CHPF: variants seen among roughly 807,000 people sequenced by gnomAD.
CHPF encodes chondroitin polymerizing factor.
In CHPF, 34 loss-of-function variants were observed where a neutral mutation model predicts 55.1. The observed-to-expected ratio is 0.62, with a 90% CI of 0.47 to 0.82. The LOEUF (loss-of-function observed/expected upper bound fraction) is 0.82, where lower values mean the gene tolerates loss of function less well. Among genes scored for constraint, CHPF ranks in the 40% least tolerant of loss-of-function variants. The probability of loss-of-function intolerance (pLI) is 0.00; values close to 1 mark genes in which losing one functional copy is unlikely to be tolerated. For missense variants in CHPF, 961 were observed against 1,106.1 expected (o/e 0.87, Z 1.86); for synonymous variants, 489 against 496.6 (o/e 0.98, Z 0.20).
Position 219,539,533 on chromosome 2 carries a change from C to A in CHPF, c.2178G>T (p.Ala726=). The A allele has an allele frequency of 6.2e-7, 1 of 1,613,798 alleles. No individual in the cohort carries two copies. Among genetic ancestry groups the A allele is most frequent in the Non-Finnish European group, 8.5e-7 (1 of 1,179,918 alleles). The change falls in exon 4 of 4, where the codon GCG becomes GCT. Residue 726 remains alanine, a synonymous_variant. Transcript: ENST00000243776. ...TCTGGGCCCGGTAGCGCTGCAGCAG[C>A]GCCGGCTCCACCGCCCGCAGCACAT... is the stretch of plus-strand genomic sequence containing the variant. ...SLHVLRAVEP[A]LLQRYRAQTC...
At position 219,543,306 on chromosome 2, in the gene CHPF, T is replaced by C; in HGVS notation, c.233A>G (p.Glu78Gly). Reference sequence around the variant, plus strand: ...CGGCTCCCAATTCTCCCCGGCGCCTTCGCCGGCCCCGGGCTTCTCGCGCTC... The same window carrying C: ...CGGCTCCCAATTCTCCCCGGCGCCTCCGCCGGCCCCGGGCTTCTCGCGCTC... ...GAEREKPGAG[E>G]GAGENWEPRV... is the part of the protein sequence containing the mutation. Residue 78 changes from glutamate to glycine, a missense_variant, in exon 1 of 4, where the codon GAA (glutamate) becomes GGA (glycine). This residue lies in a region of CHPF where 936 missense variants were observed against 1,058.4 expected (regional missense o/e 0.88). Transcript: ENST00000243776. The C allele has an allele frequency of 6.4e-7, 1 of 1,573,134 alleles. No individual in the cohort carries two copies. The highest frequency in any genetic ancestry group is 2.4e-5 in the East Asian group (1 of 41,580).
At position 219,543,637 on chromosome 2, in the gene CHPF, T is replaced by C. The variant is rs1695326146; in HGVS notation, c.-99A>G. ...CGGGGAGGGGGCGGATCCGGAGGGC[T>C]CGGGCCCCGCGGGCGGGCCCGCTCC... On this transcript the variant is annotated 5_prime_UTR_variant, in exon 1 of 4. Transcript: ENST00000243776. 1 of 972,908 alleles carries C rather than the reference T, an allele frequency of 1.0e-6. No homozygotes were observed. The highest frequency in any genetic ancestry group is 1.4e-6 in the Non-Finnish European group (1 of 736,946). The allele number at this position is 972,908 out of a possible 1,614,324, so 60.3% of individuals were successfully genotyped here. A position where few individuals can be genotyped will look rare whatever the true frequency, so the allele number is the denominator to read the frequency against.
Position 219,539,877 on chromosome 2 carries a change from G to A in CHPF, c.1834C>T (p.Leu612=). 1 of 1,613,728 alleles carries A rather than the reference G, an allele frequency of 6.2e-7. No individual in the cohort carries two copies. The highest frequency in any genetic ancestry group is 8.5e-7 in the Non-Finnish European group (1 of 1,180,010). The change falls in exon 4 of 4, where the codon CTG becomes TTG. Residue 612 remains leucine (L), a synonymous_variant. Transcript: ENST00000243776. ...SKKHPLDTLF[L]LAGPDTVLTP... ...AGCACCGTGTCTGGCCCGGCCAGCAGGAACAGTGTGTCCAGCGGGTGCTTC... is the reference window on the plus strand; with the variant it reads ...AGCACCGTGTCTGGCCCGGCCAGCAAGAACAGTGTGTCCAGCGGGTGCTTC...
Position 219,539,422 on chromosome 2 carries a change from G to T in CHPF, c.2289C>A (p.Ala763=), listed in dbSNP as rs1158811208. Reference sequence around the variant, plus strand: ...CCTGCTCCTGTTCAAAGAGTAGCATGGCCAGCTGGGTTCGGGAGCCGAGGC... The same window carrying T: ...CCTGCTCCTGTTCAAAGAGTAGCATTGCCAGCTGGGTTCGGGAGCCGAGGC... The part of the protein sequence containing the change: ...LEGLGSRTQL[A]MLLFEQEQGN... Residue 763 remains alanine (A), a synonymous_variant, in exon 4 of 4, where the codon GCC becomes GCA. Coordinates refer to ENST00000243776, the MANE Select transcript of CHPF (RefSeq NM_024536.6). The T allele has an allele frequency of 1.2e-6, 2 of 1,611,034 alleles. No individual in the cohort carries two copies. Among genetic ancestry groups the T allele is most frequent in the Non-Finnish European group, 1.7e-6 (2 of 1,178,322 alleles).
Position 219,543,727 on chromosome 2 carries a change from A to G in CHPF, c.-189T>C, listed in dbSNP as rs1485868869. 19 of 440,822 alleles carry G rather than the reference A, an allele frequency of 4.3e-5. No individual in the cohort carries two copies. Among genetic ancestry groups the G allele is most frequent in the Non-Finnish European group, 7.8e-6 (2 of 254,962 alleles). 27.3% of individuals were successfully genotyped at this position (440,822 alleles called of 1,614,324 possible). Reference sequence around the variant, plus strand: ...CGGAGCCGCGCCTCGATTCCCCTCCAGCAGCTGCTCTGGGCTGCGCAGGGT... The same window carrying G: ...CGGAGCCGCGCCTCGATTCCCCTCCGGCAGCTGCTCTGGGCTGCGCAGGGT... On this transcript the variant is annotated 5_prime_UTR_variant, in exon 1 of 4. Transcript: ENST00000243776.
Position 219,539,326 on chromosome 2 carries a change from T to TG in CHPF, c.*56dup. The TG allele has an allele frequency of 6.7e-7, 1 of 1,501,376 alleles. No individual in the cohort carries two copies. Among genetic ancestry groups the TG allele is most frequent in the South Asian group, 1.3e-5 (1 of 77,790 alleles). 93.0% of individuals were successfully genotyped at this position (1,501,376 alleles called of 1,614,324 possible). On this transcript the variant is annotated 3_prime_UTR_variant, in exon 4 of 4. Transcript: ENST00000243776. ...CGAGGCTGGCAGGTGGCTCTGGTTT[T>TG]GGGGGAGAAGTGGGGTGGGGTGTGG...
At chr2:219,542,226 A>C (rs1695287610) in intron 1 of CHPF, 37 bp from the exon 2 acceptor site, 3 of 316,594 alleles carry the variant, frequency 9.5e-6, no homozygotes, top group Non-Finnish European at 1.0e-5. Context: ...TCAAAAGGAC[A>C]ACGGGGCGGG....
rs1695236826 is a variant in CHPF at position 219,540,171 on chromosome 2, G to C, written c.1540C>G (p.Leu514Val). ...EASRLTVLLP[L>V]AAAERDLAPG... is the part of the protein sequence containing the mutation. The stretch of plus-strand genomic sequence containing the variant: ...GCCAGGTCACGCTCAGCCGCAGCTA[G>C]AGGCAGCAGCACAGTGAGACGTGAG... The change falls in exon 4 of 4, where the codon CTA (leucine) becomes GTA (valine). Residue 514 changes from leucine (L) to valine (V), a missense_variant. Around this residue, in one of 3 missense-constraint regions of CHPF, gnomAD observed 936 missense variants for 1,058.4 expected, o/e 0.88. Transcript: ENST00000243776. 1 of 1,608,590 alleles carries C rather than the reference G, an allele frequency of 6.2e-7. No individual in the cohort carries two copies. The highest frequency in any genetic ancestry group is 8.5e-7 in the Non-Finnish European group (1 of 1,177,666).
Position 219,543,461 on chromosome 2 carries a change from C to T in CHPF, c.78G>A (p.Leu26=), listed in dbSNP as rs776800294. 1 of 1,477,424 alleles carries T rather than the reference C, an allele frequency of 6.8e-7. No individual in the cohort carries two copies. Among genetic ancestry groups the T allele is most frequent in the Non-Finnish European group, 8.9e-7 (1 of 1,121,930 alleles). 91.5% of individuals were successfully genotyped at this position (1,477,424 alleles called of 1,614,324 possible). ...CCACCCAGGTGACGCTGAGCAGGCT[C>T]AGGGTGAAGCCCAGGGAGATGCCCA... ...VAVGISLGFT[L]SLLSVTWVEE... is the part of the protein sequence containing the mutation. The change falls in exon 1 of 4, where the codon CTG becomes CTA. Residue 26 remains leucine, a synonymous_variant. Transcript: ENST00000243776.
chr2:219,539,300 G>C lies in CHPF; in HGVS notation c.*83C>G. On this transcript the variant is annotated 3_prime_UTR_variant, in exon 4 of 4. Transcript: ENST00000243776. ...GTCTGGCTACGGCCAGCCCTGCCCA[G>C]CGAGGCTGGCAGGTGGCTCTGGTTT... 1 of 1,387,944 alleles carries C rather than the reference G, an allele frequency of 7.2e-7. No individual in the cohort carries two copies. Among genetic ancestry groups the C allele is most frequent in the Non-Finnish European group, 9.7e-7 (1 of 1,026,728 alleles). 86.0% of individuals were successfully genotyped at this position (1,387,944 alleles called of 1,614,324 possible).
rs1170614487 is a variant in CHPF at position 219,541,786 on chromosome 2, C to T, written c.718G>A (p.Gly240Ser). Residue 240 changes from glycine to serine, a missense_variant, in exon 2 of 4, where the codon GGC (glycine) becomes AGC (serine). Physicochemically the swap from Gly to Ser is moderately conservative, Grantham distance 56. This residue lies in a region of CHPF where 936 missense variants were observed against 1,058.4 expected (regional missense o/e 0.88). Transcript: ENST00000243776. ...CCAAAGCCTCCGTGGCAGTAGCGGCCGGGGGTGGGCTCTCCGCCGATGAAG... is the reference window on the plus strand; with the variant it reads ...CCAAAGCCTCCGTGGCAGTAGCGGCTGGGGGTGGGCTCTCCGCCGATGAAG... ...QDFIGGEPTP[G>S]RYCHGGFGVL... 3 of 1,606,988 alleles carry T rather than the reference C, an allele frequency of 1.9e-6. No individual in the cohort carries two copies. Among genetic ancestry groups the T allele is most frequent in the East Asian group, 2.2e-5 (1 of 44,562 alleles).
chr2:219,543,215 C>T lies in CHPF; in HGVS notation c.314+10G>A. The T allele has an allele frequency of 1.3e-6, 2 of 1,520,760 alleles. No homozygotes were observed. Among genetic ancestry groups the T allele is most frequent in the Non-Finnish European group, 1.7e-6 (2 of 1,145,560 alleles). 94.2% of individuals were successfully genotyped at this position (1,520,760 alleles called of 1,614,324 possible). On this transcript the variant is annotated intron_variant, in intron 1 of 3. Coordinates refer to ENST00000243776, the MANE Select transcript of CHPF (RefSeq NM_024536.6). ...GCCCAGGGGGTAGAGCGGGCGCAGC[C>T]GATCACTACCTGACGGCCTTTTTGG...
chr2:219,541,805 G>T lies in CHPF; in HGVS notation c.699C>A (p.Ile233=), dbSNP rs372965504. The stretch of plus-strand genomic sequence containing the variant: ...AGCGGCCGGGGGTGGGCTCTCCGCC[G>T]ATGAAGTCCTGGGGCCGGCCCAGGT... ...HLYLGRPQDF[I]GGEPTPGRYC... Residue 233 remains isoleucine (I), a synonymous_variant, in exon 2 of 4, where the codon ATC becomes ATA. Coordinates refer to ENST00000243776, the MANE Select transcript of CHPF (RefSeq NM_024536.6). 1 of 1,606,768 alleles carries T rather than the reference G, an allele frequency of 6.2e-7. No homozygotes were observed. Among genetic ancestry groups the T allele is most frequent in the East Asian group, 2.2e-5 (1 of 44,528 alleles).
At chr2:219,541,148 T>A in intron 2 of CHPF, 23 bp from the exon 3 acceptor site, 1 of 1,563,576 alleles carries the variant, frequency 6.4e-7, no homozygotes, top group African/African-American at 1.4e-5. Flanking sequence ...AGGGAAGGGA[T>A]CTGTGATGAG....
At position 219,539,476 on chromosome 2, in the gene CHPF, G is replaced by A. The variant is rs1695211581; in HGVS notation, c.2235C>T (p.Tyr745=). The A allele has an allele frequency of 6.2e-7, 1 of 1,613,642 alleles. No individual in the cohort carries two copies. Among genetic ancestry groups the A allele is most frequent in the Non-Finnish European group, 8.5e-7 (1 of 1,179,852 alleles). The part of the protein sequence containing the change: ...TCSARLSEDL[Y]HRCLQSVLEG... The stretch of plus-strand genomic sequence containing the variant: ...CAAGCACGCTCTGGAGGCAGCGGTG[G>A]TACAGGTCCTCACTGAGCCTCGCGC... Residue 745 remains tyrosine, a synonymous_variant, in exon 4 of 4, where the codon TAC becomes TAT. Coordinates refer to ENST00000243776, the MANE Select transcript of CHPF (RefSeq NM_024536.6).
chr2:219,541,544 C>G (rs1391063686), intron 2 of CHPF, 72 bp downstream of exon 2: 16 of 1,264,728 alleles, frequency 1.3e-5, no homozygotes, highest in African/African-American at 3.1e-5. Flanking sequence ...CCTGTATCTC[C>G]AACATCCCTT....
Position 219,542,000 on chromosome 2 carries a change from T to C in CHPF, c.504A>G (p.Leu168=), listed in dbSNP as rs3731912. The change falls in exon 2 of 4, where the codon CTA becomes CTG. Residue 168 remains leucine (L), a synonymous_variant. Transcript: ENST00000243776. ...RAPPGMAVVT[L]GEERPIGHLH... ...GGTGTCCAATGGGTCGCTCCTCGCC[T>C]AGCGTCACCACTGCCATGCCAGGTG... 1,175,542 of 1,603,322 alleles carry C rather than the reference T, an allele frequency of 0.73. 432,697 individuals carry two copies. Among genetic ancestry groups the C allele is most frequent in the South Asian group, 0.89 (80,498 of 90,044 alleles).
intron 1 of CHPF, 107 bp downstream of exon 1, chr2:219,543,118 T>A (rs1695313068): frequency 7.3e-7 from 1 of 1,366,480 alleles, no homozygotes; most frequent in Non-Finnish European, 9.4e-7. Context: ...AAAGACTTCC[T>A]GGCTCGCCAG....
Position 219,539,931 on chromosome 2 carries a change from G to A in CHPF, c.1780C>T (p.Pro594Ser), listed in dbSNP as rs760677572. The A allele has an allele frequency of 1.9e-6, 3 of 1,613,778 alleles. No homozygotes were observed. Among genetic ancestry groups the A allele is most frequent in the South Asian group, 1.1e-5 (1 of 91,088 alleles). ...GAGAGTAGATCCATGAGGCGCAGTG[G>A]TGAGGGTGCGGCTGTCTGCACACTG... ...WLSVQTAAPS[P>S]LRLMDLLSKK... The change falls in exon 4 of 4, where the codon CCA becomes TCA. Residue 594 changes from proline to serine, a missense_variant. Around this residue, in one of 3 missense-constraint regions of CHPF, gnomAD observed 936 missense variants for 1,058.4 expected, o/e 0.88. Transcript: ENST00000243776.
Sources: gnomAD v4.1 joint callset for allele counts on GRCh38, gnomAD v4.1.1 for gene constraint, gnomAD v4.1.1 regional missense constraint, MANE v1.5 for transcripts, NCBI Gene and HGNC (gene_info 2026-07-23, HGNC 2026-07-21) for gene names.